The following GRIN2A variants were observed in gnomAD, a reference collection of about 807,000 sequenced individuals.
GRIN2A encodes glutamate ionotropic receptor NMDA type subunit 2A.
Under a neutral mutation model 113.4 loss-of-function variants are expected in GRIN2A, and 22 were observed. The ratio of observed to expected loss-of-function variants is 0.19; its 90% confidence interval spans 0.14 to 0.28. The LOEUF is 0.28. Among genes scored for constraint, GRIN2A ranks in the 10% least tolerant of loss-of-function variants. The pLI, the probability that GRIN2A is intolerant of heterozygous loss-of-function variation, is 1.00. For synonymous variants in GRIN2A, 827 were observed against 738.4 expected (o/e 1.12, Z -1.94); for missense variants, 1,502 against 1,887.0 (o/e 0.80, Z 3.78).
chr16:9,990,809 G>A (rs1206872949), intron 2 of GRIN2A, among the ~76,000 whole-genome samples: 1 of 151,964 alleles, frequency 6.6e-6, no homozygotes, highest in Non-Finnish European at 1.5e-5. Flanking sequence ...GCTCACGCCT[G>A]TAATCCAAGC....
At chr16:9,895,630 G>A (rs926216761) in intron 3 of GRIN2A, among the ~76,000 whole-genome samples, 1 of 152,204 alleles carries the variant, frequency 6.6e-6, no homozygotes, top group Non-Finnish European at 1.5e-5. Context: ...TGAAGAGATT[G>A]GACAGATAGG....
intron 5 of GRIN2A, 88 bp downstream of exon 5, chr16:9,849,668 G>T: frequency 1.0e-6 from 1 of 959,698 alleles, no homozygotes; most frequent in Non-Finnish European, 1.7e-6. Context: ...GACATTTTGT[G>T]ATTCAAGTAC....
At chr16:9,821,173 A>G (rs2042277846) in intron 10 of GRIN2A, among the ~76,000 whole-genome samples, 1 of 152,174 alleles carries the variant, frequency 6.6e-6, no homozygotes, top group Admixed American at 6.5e-5. Flanking sequence ...GAATGCACCT[A>G]CAGTCATGTT....
At chr16:10,131,630 C>A (rs966269788) in intron 2 of GRIN2A, among the ~76,000 whole-genome samples, 1 of 152,088 alleles carries the variant, frequency 6.6e-6, no homozygotes, top group Non-Finnish European at 1.5e-5. Context: ...AGAGAAAGGG[C>A]GTCTGTTTCA....
chr16:10,002,143 T>C (rs114127331), intron 2 of GRIN2A, among the ~76,000 whole-genome samples: 1 of 152,282 alleles, frequency 6.6e-6, no homozygotes, highest in African/African-American at 2.4e-5. Flanking sequence ...GCCTCATGTA[T>C]CACACTAGAG....
intron 2 of GRIN2A, among the ~76,000 whole-genome samples, chr16:10,080,648 C>T (rs1482932583): frequency 6.6e-6 from 1 of 152,054 alleles, no homozygotes; most frequent in Non-Finnish European, 1.5e-5. Context: ...TAGATCTATA[C>T]ACCACAGAAC....
intron 2 of GRIN2A, among the ~76,000 whole-genome samples, chr16:10,087,226 A>AT (rs1164814591): frequency 6.6e-6 from 1 of 152,224 alleles, no homozygotes; most frequent in African/African-American, 2.4e-5. Flanking sequence ...AATCACTACT[A>AT]TATCTACCGC....
intron 4 of GRIN2A, 44 bp downstream of exon 4, chr16:9,890,942 G>T: frequency 8.2e-7 from 1 of 1,221,048 alleles, no homozygotes; most frequent in Non-Finnish European, 1.2e-6. Flanking sequence ...TATTGCCCAT[G>T]CTTTCTTCCC....
At chr16:10,100,507 A>G (rs2048373301) in intron 2 of GRIN2A, among the ~76,000 whole-genome samples, 1 of 152,198 alleles carries the variant, frequency 6.6e-6, no homozygotes, top group African/African-American at 2.4e-5. Flanking sequence ...ACTGGGAGTA[A>G]TAAGCCCACT....
chr16:10,156,844 C>G (rs1281034480), intron 2 of GRIN2A, among the ~76,000 whole-genome samples: 1 of 152,204 alleles, frequency 6.6e-6, no homozygotes, highest in Non-Finnish European at 1.5e-5. Context: ...TAGATTTCAA[C>G]TGTGCTTTCC....
chr16:10,112,709 G>A (rs776540653), intron 2 of GRIN2A: 16 of 744,410 alleles, frequency 2.1e-5, no homozygotes, highest in African/African-American at 1.0e-4. Flanking sequence ...AGGGTGTCTC[G>A]GCCTCCATCC....
intron 2 of GRIN2A, among the ~76,000 whole-genome samples, chr16:10,025,178 A>G (rs1341835035): frequency 2.6e-5 from 4 of 151,896 alleles, no homozygotes; most frequent in Non-Finnish European, 5.9e-5. Context: ...AAGACTGGAG[A>G]TTACTAATGG....
chr16:9,891,187 C>T, intron 3 of GRIN2A, 87 bp from the exon 4 acceptor site: 1 of 790,666 alleles, frequency 1.3e-6, no homozygotes, highest in Non-Finnish European at 2.3e-6. Context: ...TAATGGAATA[C>T]TGAAAAATTA....
chr16:10,177,257 A>C (rs1309796192), intron 2 of GRIN2A, among the ~76,000 whole-genome samples: 1 of 152,204 alleles, frequency 6.6e-6, no homozygotes, highest in African/African-American at 2.4e-5. Flanking sequence ...ATACATCCCC[A>C]GTTTCTCAAA....
chr16:10,113,101 C>T (rs901915520), intron 2 of GRIN2A, among the ~76,000 whole-genome samples: 2 of 140,796 alleles, frequency 1.4e-5, no homozygotes, highest in East Asian at 2.4e-4. Flanking sequence ...TGCCTGGGGG[C>T]GCCCCCCAGC....
intron 2 of GRIN2A, among the ~76,000 whole-genome samples, chr16:9,978,443 TTGTC>T (rs1368542995): frequency 1.3e-5 from 2 of 152,162 alleles, no homozygotes; most frequent in African/African-American, 2.4e-5. Flanking sequence ...GGTTAGTACT[TTGTC>T]TGCTCCTTAG....
chr16:9,863,904 T>C (rs1034638391), intron 4 of GRIN2A, among the ~76,000 whole-genome samples: 3 of 152,130 alleles, frequency 2.0e-5, no homozygotes, highest in Non-Finnish European at 2.9e-5. Flanking sequence ...AGAATGCATA[T>C]AGGTCTGCAA....
chr16:9,945,328 C>T (rs9922489), intron 2 of GRIN2A, among the ~76,000 whole-genome samples: 3,980 of 151,790 alleles, frequency 0.026, 175 homozygotes, highest in African/African-American at 0.092. Context: ...AGATTAGGGG[C>T]GAGATGAGAG....
intron 2 of GRIN2A, among the ~76,000 whole-genome samples, chr16:10,003,174 T>A (rs1344549169): frequency 3.3e-5 from 5 of 151,962 alleles, no homozygotes; most frequent in Admixed American, 3.3e-4. Context: ...GAGTATGGAG[T>A]CCCTGATCCT....
Sources: allele counts gnomAD v4.1 joint callset (sites outside exome capture counted in the v4.1 genomes callset), GRCh38; gene constraint gnomAD v4.1.1; transcripts MANE v1.5; gene names NCBI Gene and HGNC (gene_info 2026-07-23, HGNC 2026-07-21).